UCHL5: variants seen among roughly 807,000 people sequenced by gnomAD.
UCHL5 encodes the protein ubiquitin C-terminal hydrolase L5, also known as ubiquitin carboxyl-terminal hydrolase isozyme L5.
UCHL5 carries 34 observed loss-of-function variants against 53.8 expected under a neutral mutation model. The observed-to-expected ratio is 0.63, with a 90% CI of 0.48 to 0.84. The LOEUF (loss-of-function observed/expected upper bound fraction) is 0.84, where lower values mean the gene tolerates loss of function less well. UCHL5 is among the 40% of genes least tolerant of loss of function. UCHL5 has a pLI of 0.00. For missense variants in UCHL5, 290 were observed against 385.6 expected, an observed-to-expected ratio of 0.75 and a Z score of 2.08; for synonymous variants, 111 against 126.3, an observed-to-expected ratio of 0.88 and a Z score of 0.81.
chr1:193,019,706 TCTAA>T (rs940688585), intron 10 of UCHL5, among the ~76,000 whole-genome samples: 6 of 151,762 alleles, frequency 4.0e-5, no homozygotes, highest in African/African-American at 1.4e-4. Context: ...GCTGTTGTTC[TCTAA>T]CTATGCTCTC....
At chr1:193,021,882 T>C (rs1352462536) in intron 9 of UCHL5, among the ~76,000 whole-genome samples, 1 of 152,188 alleles carries the variant, frequency 6.6e-6, no homozygotes, top group East Asian at 1.9e-4. Context: ...TTTATAGCAG[T>C]ATGACAATCA....
rs1659917266 is a variant in UCHL5, at chr1:193,027,893, C to G, written c.629+192G>C. On this transcript the variant is annotated intron_variant, in intron 7 of 10. Transcript: ENST00000367454. ...ATCCTACCACTTTGGGAGGTCGAGG[C>G]AGGCGGATGGCTTGAGCTCAGGAGT... The G allele has an allele frequency of 2.7e-6, 4 of 1,473,552 alleles. No individual in the cohort carries two copies. In the African/African-American group the frequency reaches 4.2e-5, roughly 16 times the overall value. The allele number at this position is 1,473,552 out of a possible 1,614,324, so 91.3% of individuals were successfully genotyped here. A position where few individuals can be genotyped will look rare whatever the true frequency, so the allele number is the denominator to read the frequency against.
intron 9 of UCHL5, 96 bp downstream of exon 9, chr1:193,022,830 A>G: frequency 1.3e-6 from 1 of 775,638 alleles, no homozygotes; most frequent in Non-Finnish European, 2.1e-6. Flanking sequence ...CTGGTAAATG[A>G]TAGGAGGGAA....
At chr1:193,040,771 A>T (rs1174097356) in intron 3 of UCHL5, among the ~76,000 whole-genome samples, 4 of 152,250 alleles carry the variant, frequency 2.6e-5, no homozygotes, top group African/African-American at 9.6e-5. Context: ...GAATGGATAA[A>T]GAAAATGTAG....
At position 193,051,657 on chromosome 1, in the gene UCHL5, G is replaced by C. The variant is rs190610610; in HGVS notation, c.140+97C>G. On this transcript the variant is annotated intron_variant, in intron 2 of 10. Transcript: ENST00000367454. ...TAAAGGACATAACGTATTCAACCTA[G>C]AGTAATCCAAGTAAAATAAACAAAC... is the stretch of plus-strand genomic sequence containing the variant. 431 of 651,352 alleles carry C rather than the reference G, an allele frequency of 6.6e-4. 4 individuals are homozygous for C. Among genetic ancestry groups the C allele is most frequent in the Middle Eastern group, 4.7e-4 (1 of 2,150 alleles). The allele number at this position is 651,352 out of a possible 1,614,324, so 40.3% of individuals were successfully genotyped here. A position where few individuals can be genotyped will look rare whatever the true frequency, so the allele number is the denominator to read the frequency against.
intron 3 of UCHL5, among the ~76,000 whole-genome samples, chr1:193,041,122 A>T (rs920128761): frequency 6.6e-6 from 1 of 152,198 alleles, no homozygotes; most frequent in African/African-American, 2.4e-5. Context: ...TATATTTCAA[A>T]ATAGCTATAA....
intron 3 of UCHL5, among the ~76,000 whole-genome samples, chr1:193,033,454 G>A (rs1662243382): frequency 6.6e-6 from 1 of 151,954 alleles, no homozygotes; most frequent in African/African-American, 2.4e-5. Context: ...TGCAGTAAAC[G>A]ACCATGGCAC....
At chr1:193,024,185 G>A (rs967539526) in intron 7 of UCHL5, among the ~76,000 whole-genome samples, 1 of 151,788 alleles carries the variant, frequency 6.6e-6, no homozygotes, top group Non-Finnish European at 1.5e-5. Context: ...GGAGGCTGCA[G>A]TGAGCTATGA....
chr1:193,016,398 A>G lies in UCHL5; in HGVS notation c.943-3T>C. ...TTTGCGTTCTGTTTTTCTTTTGCCTAAAAATTAAAAATAGTATGTTACAAA... is the reference window on the plus strand; with the variant it reads ...TTTGCGTTCTGTTTTTCTTTTGCCTGAAAATTAAAAATAGTATGTTACAAA... On this transcript the variant is annotated splice_region_variant and splice_polypyrimidine_tract_variant and intron_variant, in intron 10 of 10. Coordinates refer to ENST00000367454, the MANE Select transcript of UCHL5 (RefSeq NM_001199261.3). The G allele has an allele frequency of 6.2e-7, 1 of 1,605,050 alleles. No homozygotes were observed. The highest frequency in any genetic ancestry group is 1.7e-4 in the Middle Eastern group (1 of 5,912).
chr1:193,014,806 C>T lies in UCHL5; in HGVS notation c.*1545G>A, dbSNP rs1213200926. ...TCTTCTGTTCCATTGCTTTATTTGT[C>T]AATCCTAGTGCCAGTATCACACTGT... On this transcript the variant is annotated 3_prime_UTR_variant, in exon 11 of 11. Coordinates refer to ENST00000367454, the MANE Select transcript of UCHL5 (RefSeq NM_001199261.3). 3.3e-5 allele frequency: 5 copies of T among 152,076 alleles called. No homozygotes were observed. Among genetic ancestry groups the T allele is most frequent in the Non-Finnish European group, 7.4e-5 (5 of 67,972 alleles). 9.4% of individuals were successfully genotyped at this position (152,076 alleles called of 1,614,324 possible).
At position 193,059,314 on chromosome 1, in the gene UCHL5, A is replaced by C. The variant is rs1572025537; in HGVS notation, c.-54T>G. 1 of 1,607,986 alleles carries C rather than the reference A, an allele frequency of 6.2e-7. No homozygotes were observed. Among genetic ancestry groups the C allele is most frequent in the Non-Finnish European group, 8.5e-7 (1 of 1,177,474 alleles). ...CCTCTCGCTCTCAGCTGCCCCCCGC[A>C]CCAGCTGCCGCCGGCCACAGATCTC... On this transcript the variant is annotated 5_prime_UTR_variant, in exon 1 of 11. Transcript: ENST00000367454. This position sits in a 1 kb window ranked among gnomAD's most constrained non-coding sequence, Gnocchi z 4.9.
chr1:193,051,887 T>C (rs773489681), intron 1 of UCHL5, 70 bp from the exon 2 acceptor site: 9 of 1,163,696 alleles, frequency 7.7e-6, no homozygotes, highest in Admixed American at 4.5e-5. Context: ...AAATAAAATA[T>C]TAACTAAAGG....
chr1:193,046,497 C>A (rs1667364035), intron 3 of UCHL5, among the ~76,000 whole-genome samples: 1 of 152,020 alleles, frequency 6.6e-6, no homozygotes, highest in African/African-American at 2.4e-5. Flanking sequence ...TGCACCCTAG[C>A]TCTGCCACTG....
At chr1:193,050,210 G>A (rs180777308) in intron 2 of UCHL5, among the ~76,000 whole-genome samples, 40 of 152,064 alleles carry the variant, frequency 2.6e-4, no homozygotes, top group Non-Finnish European at 4.7e-4. Flanking sequence ...ATAGATAAAC[G>A]GTTGATAGCA....
intron 3 of UCHL5, among the ~76,000 whole-genome samples, chr1:193,038,347 T>G (rs952624654): frequency 1.1e-4 from 16 of 151,402 alleles, no homozygotes; most frequent in Admixed American, 4.6e-4. Flanking sequence ...TCCCAGCTAC[T>G]CGGGAGGCTG....
rs556584429 is a variant in UCHL5 at position 193,028,729 on chromosome 1, G to A, written c.565+450C>T. 9.2e-5 allele frequency among the ~76,000 whole-genome samples: 14 copies of A among 152,078 alleles called. No individual in the cohort carries two copies. The South Asian group carries it at 1.9e-3, about 20-fold the overall frequency. On this transcript the variant is annotated intron_variant, in intron 6 of 10. Coordinates refer to ENST00000367454, the MANE Select transcript of UCHL5 (RefSeq NM_001199261.3). ...TTTGCAGAAAGGATAACACATTAAC[G>A]CACTATTTAAATAGAGAAATTTTAA...
intron 3 of UCHL5, among the ~76,000 whole-genome samples, chr1:193,039,077 GA>G (rs920966719): frequency 3.9e-5 from 6 of 152,126 alleles, no homozygotes; most frequent in Non-Finnish European, 7.4e-5. Context: ...AAGAAATTAA[GA>G]AAAAAATCCT....
At chr1:193,038,789 AGTTT>A (rs1051349311) in intron 3 of UCHL5, among the ~76,000 whole-genome samples, 41 of 152,226 alleles carry the variant, frequency 2.7e-4, no homozygotes, top group African/African-American at 9.6e-4. Context: ...TGAGCCCAGG[AGTTT>A]AAGACCAGCT....
At chr1:193,027,551 G>A (rs966207596) in intron 7 of UCHL5, among the ~76,000 whole-genome samples, 2 of 152,038 alleles carry the variant, frequency 1.3e-5, no homozygotes, top group African/African-American at 4.8e-5. Flanking sequence ...CGGGTGTGGT[G>A]GCATGTGCCC....
Sources: gnomAD v4.1 joint callset for allele counts (sites outside exome capture counted in the v4.1 genomes callset) on GRCh38, gnomAD v4.1.1 for gene constraint, Gnocchi (gnomAD v3.1) non-coding constraint, MANE v1.5 for transcripts, NCBI Gene and HGNC (gene_info 2026-07-23, HGNC 2026-07-21) for gene names.